The following HDAC9 variants were observed in gnomAD, a reference collection of about 807,000 sequenced individuals.
The protein encoded by HDAC9 is histone deacetylase 9, also known as MEF-2 interacting transcription repressor (MITR) protein.
In HDAC9, 41 loss-of-function variants were observed where a neutral mutation model predicts 139.4. That is an observed-to-expected ratio of 0.29 (90% CI 0.23 to 0.38). The LOEUF is 0.38. HDAC9 is among the 10% of genes least tolerant of loss of function. The pLI is 1.00. For synonymous variants in HDAC9, 517 were observed against 476.2 expected (o/e 1.09, Z -1.12); for missense variants, 1,147 against 1,297.0 (o/e 0.88, Z 1.78).
At chr7:18,118,853 G>C (rs1361918206) in intron 1 of HDAC9, among the ~76,000 whole-genome samples, 1 of 152,166 alleles carries the variant, frequency 6.6e-6, no homozygotes, top group East Asian at 1.9e-4. Flanking sequence ...GGCTTTAAGA[G>C]AATATTGGCC....
chr7:18,737,777 G>A lies in HDAC9; in HGVS notation c.1909+10020G>A, dbSNP rs212675. Among the ~76,000 whole-genome samples, 669 of 152,202 alleles carry A rather than the reference G, an allele frequency of 4.4e-3. 3 individuals are homozygous for A. The highest frequency in any genetic ancestry group is 0.014 in the African/African-American group (564 of 41,520). On this transcript the variant is annotated intron_variant, in intron 13 of 25. Coordinates refer to ENST00000686413, the MANE Select transcript of HDAC9 (RefSeq NM_178425.4). ...AGTTCTGTAGATGTCTATTAGGTCC[G>A]CTTGGTGCAGAGCTGAGTTCAAGTC... is the stretch of plus-strand genomic sequence containing the variant.
chr7:18,975,773 A>G (rs765046282), intron 24 of HDAC9, 33 bp from the exon 25 acceptor site: 3 of 1,606,570 alleles, frequency 1.9e-6, no homozygotes, highest in Admixed American at 1.7e-5. Flanking sequence ...TGTAATTACA[A>G]TTCTTATGAA....
At chr7:18,415,604 AATG>A (rs1416351140) in intron 1 of HDAC9, among the ~76,000 whole-genome samples, 4 of 152,234 alleles carry the variant, frequency 2.6e-5, no homozygotes, top group African/African-American at 7.2e-5. Flanking sequence ...CTGCTCAAAG[AATG>A]ATGATTTCAG....
chr7:18,233,928 T>C (rs77475193), intron 2 of HDAC9, among the ~76,000 whole-genome samples: 14 of 152,188 alleles, frequency 9.2e-5, no homozygotes, highest in Non-Finnish European at 1.8e-4. Flanking sequence ...GTTTTTTTTT[T>C]TCTTAAGTTT....
intron 1 of HDAC9, 72 bp from the exon 2 acceptor site, chr7:18,496,190 C>G (rs528969484): frequency 6.5e-7 from 1 of 1,534,926 alleles, no homozygotes; most frequent in African/African-American, 1.4e-5. Flanking sequence ...ATGAATGTTT[C>G]ATGTAGCTGA....
chr7:18,219,455 A>G (rs1341550343), intron 2 of HDAC9, among the ~76,000 whole-genome samples: 2 of 152,052 alleles, frequency 1.3e-5, no homozygotes, highest in Non-Finnish European at 2.9e-5. Flanking sequence ...TTGATTGAAC[A>G]TTTGCTAGAA....
intron 2 of HDAC9, among the ~76,000 whole-genome samples, chr7:18,205,399 A>G (rs73317901): frequency 0.033 from 5,053 of 152,118 alleles, 295 homozygotes; most frequent in African/African-American, 0.11. Flanking sequence ...CCTGTGTTAC[A>G]AACTGTGAAT....
chr7:18,941,836 T>C (rs1271020666), intron 23 of HDAC9, among the ~76,000 whole-genome samples: 1 of 151,512 alleles, frequency 6.6e-6, no homozygotes, highest in Non-Finnish European at 1.5e-5. Context: ...TTGCATTTCT[T>C]ATATTCAACA....
chr7:18,234,281 T>G (rs1015005588), intron 2 of HDAC9, among the ~76,000 whole-genome samples: 43 of 152,202 alleles, frequency 2.8e-4, no homozygotes, highest in African/African-American at 1.0e-3. Context: ...GGAACATAAT[T>G]GTATTTAAAA....
chr7:18,530,448 A>G (rs915720105), intron 2 of HDAC9, among the ~76,000 whole-genome samples: 24 of 152,102 alleles, frequency 1.6e-4, no homozygotes, highest in African/African-American at 5.8e-4. Context: ...AAAAAAATGC[A>G]CCCTTGCTAA....
At chr7:18,220,337 C>G (rs1214589576) in intron 2 of HDAC9, among the ~76,000 whole-genome samples, 6 of 152,130 alleles carry the variant, frequency 3.9e-5, no homozygotes, top group Non-Finnish European at 8.8e-5. Flanking sequence ...TTAGCCATGA[C>G]TATTCAGAAC....
intron 1 of HDAC9, among the ~76,000 whole-genome samples, chr7:18,124,838 G>T (rs979885747): frequency 1.3e-5 from 2 of 151,400 alleles, no homozygotes; most frequent in Non-Finnish European, 2.9e-5. Context: ...TTACACTTCT[G>T]CCTCTGATCC....
At chr7:18,300,985 G>T (rs1779421103) in intron 1 of HDAC9, among the ~76,000 whole-genome samples, 1 of 148,812 alleles carries the variant, frequency 6.7e-6, no homozygotes, top group Non-Finnish European at 1.5e-5. Context: ...GTCAAATAAA[G>T]AATTATTAAG....
At chr7:18,528,137 G>A (rs1016573995) in intron 2 of HDAC9, among the ~76,000 whole-genome samples, 7 of 151,534 alleles carry the variant, frequency 4.6e-5, no homozygotes, top group African/African-American at 1.5e-4. Context: ...CAGTCTCTAC[G>A]AAAATAAAAA....
At chr7:18,361,147 A>G (rs905736324) in intron 1 of HDAC9, among the ~76,000 whole-genome samples, 3 of 152,170 alleles carry the variant, frequency 2.0e-5, no homozygotes, top group African/African-American at 7.2e-5. Context: ...CCAACTATGA[A>G]CAATAATGTA....
intron 19 of HDAC9, among the ~76,000 whole-genome samples, chr7:18,833,780 A>G (rs1409829146): frequency 6.6e-6 from 1 of 152,152 alleles, no homozygotes; most frequent in African/African-American, 2.4e-5. Context: ...CAAAAAGGGA[A>G]AAGGATTATT....
chr7:18,591,704 C>A, intron 5 of HDAC9, 62 bp downstream of exon 5: 1 of 1,582,748 alleles, frequency 6.3e-7, no homozygotes, highest in South Asian at 1.2e-5. Flanking sequence ...TGTATTTAGC[C>A]GACCTGGGTA....
chr7:18,463,525 A>G (rs1289158339), intron 1 of HDAC9, among the ~76,000 whole-genome samples: 3 of 151,864 alleles, frequency 2.0e-5, no homozygotes, highest in African/African-American at 7.2e-5. Context: ...GGAGAATCCT[A>G]TTATATTTGA....
At chr7:18,608,685 TGA>T (rs1224026919) in intron 6 of HDAC9, among the ~76,000 whole-genome samples, 1 of 152,198 alleles carries the variant, frequency 6.6e-6, no homozygotes, top group Non-Finnish European at 1.5e-5. Context: ...TAAAAATATC[TGA>T]GAATATAATG....
Sources: allele counts gnomAD v4.1 joint callset (sites outside exome capture counted in the v4.1 genomes callset), GRCh38; gene constraint gnomAD v4.1.1; transcripts MANE v1.5; gene names NCBI Gene and HGNC (gene_info 2026-07-23, HGNC 2026-07-21).